ZNF804B: variants seen among roughly 807,000 people sequenced by gnomAD.
The protein encoded by ZNF804B is zinc finger protein 804B, also known as zinc finger 804B.
In ZNF804B, 80 loss-of-function variants were observed where a neutral mutation model predicts 101.4. That is an observed-to-expected ratio of 0.79 (90% CI 0.66 to 0.95). The LOEUF (loss-of-function observed/expected upper bound fraction) is 0.95. Ranked by LOEUF, ZNF804B falls within the 40% of genes least tolerant of loss-of-function variation. The probability of loss-of-function intolerance (pLI) is 0.00; values close to 1 mark genes in which losing one functional copy is unlikely to be tolerated. For missense variants in ZNF804B, 1,673 were observed against 1,561.9 expected (o/e 1.07, Z -1.20); for synonymous variants, 622 against 558.8 (o/e 1.11, Z -1.59).
intron 1 of ZNF804B, among the ~76,000 whole-genome samples, chr7:89,119,626 C>T (rs1187945447): frequency 6.6e-6 from 1 of 152,026 alleles, no homozygotes; most frequent in Non-Finnish European, 1.5e-5. Context: ...TTACTGTTTC[C>T]TTTTATAAGT....
At chr7:89,171,870 C>T (rs929201026) in intron 1 of ZNF804B, among the ~76,000 whole-genome samples, 2 of 152,096 alleles carry the variant, frequency 1.3e-5, no homozygotes, top group Non-Finnish European at 2.9e-5. Flanking sequence ...TCCTGAAAGA[C>T]ATTGCTGTCT....
chr7:88,877,049 A>ATATATT (rs1791962731), intron 1 of ZNF804B, among the ~76,000 whole-genome samples: 2 of 13,916 alleles, frequency 1.4e-4, no homozygotes, highest in African/African-American at 8.5e-4. Context: ...ATATATATAT[A>ATATATT]TTTTTTTTTT....
chr7:88,883,107 A>C (rs1177686304), intron 1 of ZNF804B, among the ~76,000 whole-genome samples: 2 of 152,098 alleles, frequency 1.3e-5, no homozygotes, highest in Non-Finnish European at 2.9e-5. Flanking sequence ...CTCTGGGTTA[A>C]ACATGGTAGA....
chr7:89,255,364 C>T (rs1004226748), intron 2 of ZNF804B, among the ~76,000 whole-genome samples: 2 of 152,082 alleles, frequency 1.3e-5, no homozygotes, highest in Admixed American at 6.5e-5. Flanking sequence ...GCACACACAG[C>T]AAAACCATAT....
intron 1 of ZNF804B, among the ~76,000 whole-genome samples, chr7:88,885,788 G>A (rs993802182): frequency 5.3e-5 from 8 of 151,400 alleles, no homozygotes; most frequent in South Asian, 2.1e-4. Flanking sequence ...TCTTATATGC[G>A]TCTGTTTAAA....
intron 1 of ZNF804B, among the ~76,000 whole-genome samples, chr7:89,121,216 T>G (rs2116366353): frequency 6.6e-6 from 1 of 152,188 alleles, no homozygotes; most frequent in East Asian, 1.9e-4. Flanking sequence ...CTTATTTGTT[T>G]AGGAGTCATG....
intron 1 of ZNF804B, among the ~76,000 whole-genome samples, chr7:88,973,715 A>G (rs565626845): frequency 3.8e-4 from 57 of 151,444 alleles, no homozygotes; most frequent in African/African-American, 1.4e-3. Flanking sequence ...AGTATTTATG[A>G]GACCATGATA....
chr7:88,804,845 T>C (rs1790660301), intron 1 of ZNF804B, among the ~76,000 whole-genome samples: 1 of 152,110 alleles, frequency 6.6e-6, no homozygotes, highest in Non-Finnish European at 1.5e-5. Context: ...GAGGGGAACT[T>C]GGTACCCCTG....
At chr7:88,958,253 T>G (rs1793340821) in intron 1 of ZNF804B, among the ~76,000 whole-genome samples, 1 of 151,454 alleles carries the variant, frequency 6.6e-6, no homozygotes, top group African/African-American at 2.4e-5. Context: ...AAATTTTATT[T>G]TATAAATTCA....
At chr7:88,819,116 C>CT (rs1271825936) in intron 1 of ZNF804B, among the ~76,000 whole-genome samples, 8 of 151,836 alleles carry the variant, frequency 5.3e-5, no homozygotes, top group Non-Finnish European at 7.4e-5. Flanking sequence ...TCCACATTTT[C>CT]TTTTTTTTGT....
At chr7:89,156,600 TAGC>T (rs1790980366) in intron 1 of ZNF804B, among the ~76,000 whole-genome samples, 1 of 152,118 alleles carries the variant, frequency 6.6e-6, no homozygotes, top group East Asian at 1.9e-4. Context: ...GCCAGGAACA[TAGC>T]AGGTGCTCAG....
chr7:88,966,742 A>G (rs1375260075), intron 1 of ZNF804B, among the ~76,000 whole-genome samples: 3 of 151,204 alleles, frequency 2.0e-5, no homozygotes, highest in African/African-American at 7.3e-5. Context: ...AATAAAAGGC[A>G]TCTAGACACA....
intron 1 of ZNF804B, among the ~76,000 whole-genome samples, chr7:88,936,503 G>A (rs1394848233): frequency 6.6e-6 from 1 of 152,036 alleles, no homozygotes; most frequent in Non-Finnish European, 1.5e-5. Context: ...GGAAATGGGG[G>A]ATGTAGGCAA....
chr7:88,896,336 G>T (rs1441706988), intron 1 of ZNF804B, among the ~76,000 whole-genome samples: 1 of 152,144 alleles, frequency 6.6e-6, no homozygotes, highest in African/African-American at 2.4e-5. Flanking sequence ...GGAACTCATT[G>T]TACTGCCTCT....
At chr7:88,792,008 G>T (rs1159470421) in intron 1 of ZNF804B, among the ~76,000 whole-genome samples, 1 of 152,064 alleles carries the variant, frequency 6.6e-6, no homozygotes, top group South Asian at 2.1e-4. Context: ...GATGATAGGG[G>T]CTGTTGGCTG....
intron 1 of ZNF804B, among the ~76,000 whole-genome samples, chr7:88,951,183 G>A (rs940928759): frequency 1.3e-5 from 2 of 151,862 alleles, no homozygotes; most frequent in Admixed American, 6.6e-5. Context: ...TACATCGGAA[G>A]GATGATGCTT....
intron 1 of ZNF804B, among the ~76,000 whole-genome samples, chr7:88,851,903 G>A (rs1791455426): frequency 6.6e-6 from 1 of 152,060 alleles, no homozygotes; most frequent in South Asian, 2.1e-4. Context: ...AAGTGTTATA[G>A]CATTGAGTAC....
At chr7:89,122,282 C>T (rs887116830) in intron 1 of ZNF804B, among the ~76,000 whole-genome samples, 2 of 152,258 alleles carry the variant, frequency 1.3e-5, no homozygotes, top group South Asian at 4.1e-4. Context: ...AGCCATGTTT[C>T]ACATGCTACA....
rs139999636 is a variant in ZNF804B at position 88,808,806 on chromosome 7, G to C, written c.108+48722G>C. Among the ~76,000 whole-genome samples, 256 of 152,252 alleles carry C rather than the reference G, an allele frequency of 1.7e-3. 3 individuals are homozygous for C. Among genetic ancestry groups the C allele is most frequent in the East Asian group, 7.1e-3 (37 of 5,178 alleles). ...TAACCTAACTTAAAAATTAGGTAAG[G>C]CTATGTGGCTTATAAGAGTTAAGAA... On this transcript the variant is annotated intron_variant, in intron 1 of 3. Coordinates refer to ENST00000333190, the MANE Select transcript of ZNF804B (RefSeq NM_181646.5).
Sources: allele counts gnomAD v4.1 joint callset (sites outside exome capture counted in the v4.1 genomes callset), GRCh38; gene constraint gnomAD v4.1.1; transcripts MANE v1.5; gene names NCBI Gene and HGNC (gene_info 2026-07-23, HGNC 2026-07-21).